TARM1: variants seen among roughly 807,000 people sequenced by gnomAD.
The protein encoded by TARM1 is T-cell-interacting, activating receptor on myeloid cells protein 1.
TARM1 carries 24 observed loss-of-function variants against 30.4 expected under a neutral mutation model. That is an observed-to-expected ratio of 0.79 (90% CI 0.57 to 1.11). The LOEUF is 1.11. Among genes scored for constraint, TARM1 ranks in the 50% least tolerant of loss-of-function variants. TARM1 has a pLI of 0.00. For missense variants in TARM1, 323 were observed against 332.8 expected (o/e 0.97, Z 0.23); for synonymous variants, 129 against 138.9 (o/e 0.93, Z 0.50).
At chr19:54,080,327 G>A (rs1175611501) in intron 1 of TARM1, among the ~76,000 whole-genome samples, 56 of 150,702 alleles carry the variant, frequency 3.7e-4, no homozygotes, top group African/African-American at 1.3e-3. Flanking sequence ...GCATGGTGGC[G>A]GGCGCCTGTA....
In TARM1 at chr19:54,070,014, T is replaced by C; in HGVS notation, c.805A>G (p.Lys269Glu). 1.3e-6 allele frequency: 2 copies of C among 1,551,496 alleles called. No individual in the cohort carries two copies. Among genetic ancestry groups the C allele is most frequent in the Non-Finnish European group, 1.7e-6 (2 of 1,146,884 alleles). ...NVSPGESEAF[K>E]PE ...GGTTCAAGATGGAGTCACTCTGGTT[T>C]GAAGGCCTCTGATTCACCTGGAGAC... Residue 269 changes from lysine (K) to glutamate (E), a missense_variant, in exon 5 of 5, where the codon AAA becomes GAA. By Grantham distance (56) the Lys-to-Glu change is moderately conservative. Coordinates refer to ENST00000432826, the MANE Select transcript of TARM1 (RefSeq NM_001135686.3).
intron 2 of TARM1, 30 bp from the exon 3 acceptor site, chr19:54,075,144 C>T (rs1336120844): frequency 6.5e-7 from 1 of 1,538,362 alleles, no homozygotes; most frequent in South Asian, 1.2e-5. Context: ...GATGCTGGAC[C>T]CGATGCCCTC....
rs1361318315 is a variant in TARM1, at chr19:54,069,987, C to T, written c.*16G>A. 56 of 1,546,258 alleles carry T rather than the reference C, an allele frequency of 3.6e-5. No individual in the cohort carries two copies. Among genetic ancestry groups the T allele is most frequent in the Non-Finnish European group, 4.6e-5 (53 of 1,142,914 alleles). ...GGTTGCAGCCTCAGTTTACCCAGCCCCGGTTCAAGATGGAGTCACTCTGGT... is the reference window on the plus strand; with the variant it reads ...GGTTGCAGCCTCAGTTTACCCAGCCTCGGTTCAAGATGGAGTCACTCTGGT... On this transcript the variant is annotated 3_prime_UTR_variant, in exon 5 of 5. Transcript: ENST00000432826.
At chr19:54,072,989 G>A (rs1292646139) in intron 4 of TARM1, among the ~76,000 whole-genome samples, 1 of 151,710 alleles carries the variant, frequency 6.6e-6, no homozygotes, top group South Asian at 2.1e-4. Context: ...AAAACAAAAT[G>A]AAACAAAACA....
In TARM1 at chr19:54,070,031, C is replaced by A. The variant is rs962627240; in HGVS notation, c.788G>T (p.Gly263Val). 7.7e-6 allele frequency: 12 copies of A among 1,551,464 alleles called. No homozygotes were observed. Among genetic ancestry groups the A allele is most frequent in the Non-Finnish European group, 3.5e-6 (4 of 1,146,966 alleles). Residue 263 changes from glycine (G) to valine (V), a missense_variant, in exon 5 of 5, where the codon GGT (glycine) becomes GTT (valine). Coordinates refer to ENST00000432826, the MANE Select transcript of TARM1 (RefSeq NM_001135686.3). Reference protein sequence around the residue: ...EAWYSRNVSPGESEAFKPE With the variant: ...EAWYSRNVSPVESEAFKPE ...CTCTGGTTTGAAGGCCTCTGATTCA[C>A]CTGGAGACACATTCCGGCTGTACCA...
chr19:54,080,867 G>A (rs1367507516), intron 1 of TARM1, among the ~76,000 whole-genome samples: 1 of 151,944 alleles, frequency 6.6e-6, no homozygotes, highest in Non-Finnish European at 1.5e-5. Context: ...AGTTACTCAG[G>A]AGGCTGAAGC....
At chr19:54,074,340 T>C in intron 3 of TARM1, 124 bp from the exon 4 acceptor site, 5 of 894,618 alleles carry the variant, frequency 5.6e-6, no homozygotes. Context: ...CTCTTCTACC[T>C]TCCTCCACTT....
intron 1 of TARM1, among the ~76,000 whole-genome samples, chr19:54,078,012 A>G (rs1342929213): frequency 1.3e-5 from 2 of 151,646 alleles, no homozygotes; most frequent in East Asian, 3.9e-4. Flanking sequence ...TCAGCCTCCC[A>G]AGTAGCTGGG....
chr19:54,079,179 G>A (rs1267612769), intron 1 of TARM1, among the ~76,000 whole-genome samples: 4 of 148,824 alleles, frequency 2.7e-5, no homozygotes, highest in Admixed American at 6.8e-5. Flanking sequence ...CAGGAGAATC[G>A]CTTGAACCCA....
At chr19:54,080,019 G>GGGAAGGAAGGAA (rs71195717) in intron 1 of TARM1, among the ~76,000 whole-genome samples, 37,095 of 82,664 alleles carry the variant, frequency 0.45, 9,152 homozygotes, top group Non-Finnish European at 0.49. Context: ...AGGAAAAGGA[G>GGGAAGGAAGGAA]GGAAGGAAGG....
chr19:54,073,292 C>T (rs1439464608), intron 4 of TARM1, among the ~76,000 whole-genome samples: 1 of 150,200 alleles, frequency 6.7e-6, no homozygotes, highest in African/African-American at 2.4e-5. Flanking sequence ...GCCTGTAATC[C>T]TAGCTACCTG....
At chr19:54,074,540 G>A (rs587648873) in intron 3 of TARM1, among the ~76,000 whole-genome samples, 8 of 152,148 alleles carry the variant, frequency 5.3e-5, no homozygotes, top group South Asian at 2.1e-4. Flanking sequence ...AAAATTAGCC[G>A]GGCATGGTGG....
At chr19:54,072,248 A>G (rs1416612245) in intron 4 of TARM1, among the ~76,000 whole-genome samples, 1 of 152,142 alleles carries the variant, frequency 6.6e-6, no homozygotes, top group African/African-American at 2.4e-5. Context: ...ATGTGTATTA[A>G]ACTCTTTTTT....
rs2146215200 is a variant in TARM1 at position 54,075,914 on chromosome 19, C to A, written c.39G>T (p.Leu13=). 6.4e-7 allele frequency: 1 copy of A among 1,551,292 alleles called. No individual in the cohort carries two copies. The highest frequency in any genetic ancestry group is 1.2e-5 in the South Asian group (1 of 84,056). Residue 13 remains leucine, a synonymous_variant, in exon 2 of 5, where the codon CTG becomes CTT. Transcript: ENST00000432826. ...CCCTTGTGTCTCCTTGGCCCACGCA[C>A]AGTCCTGCAAGACAATCCTCCGTGA... ...PKLLSLLCFR[L]CVGQGDTRGD... is the part of the protein sequence containing the mutation.
At chr19:54,079,341 G>T (rs1196859407) in intron 1 of TARM1, among the ~76,000 whole-genome samples, 2 of 151,838 alleles carry the variant, frequency 1.3e-5, no homozygotes, top group Non-Finnish European at 2.9e-5. Context: ...CAGAGTTATT[G>T]GTTAGAGGGT....
chr19:54,070,137 T>C lies in TARM1; in HGVS notation c.682A>G (p.Asn228Asp). ...CGTACGAAGTTACCCAGGGAGTAGT[T>C]GCTCGATGTGGTACCTGGGGGAACT... ...VTVPPGTTSS[N>D]YSLGNFVRLG... is the part of the protein sequence containing the mutation. The change falls in exon 5 of 5, where the codon AAC becomes GAC. Residue 228 changes from asparagine (N) to aspartate (D), a missense_variant. By Grantham distance (23) the Asn-to-Asp change is conservative. Coordinates refer to ENST00000432826, the MANE Select transcript of TARM1 (RefSeq NM_001135686.3). 1 of 1,551,664 alleles carries C rather than the reference T, an allele frequency of 6.4e-7. No homozygotes were observed. The highest frequency in any genetic ancestry group is 1.4e-5 in the African/African-American group (1 of 73,180).
At chr19:54,076,112 G>A in intron 1 of TARM1, 194 bp from the exon 2 acceptor site, 2 of 1,468,074 alleles carry the variant, frequency 1.4e-6, no homozygotes, top group Non-Finnish European at 1.8e-6. Context: ...CTTTCCCAGA[G>A]ATTCTCCTTG....
intron 2 of TARM1, among the ~76,000 whole-genome samples, chr19:54,075,431 C>T (rs2071925567): frequency 6.6e-6 from 1 of 151,592 alleles, no homozygotes; most frequent in Non-Finnish European, 1.5e-5. Context: ...GGTGATCCAC[C>T]CACCTTGGCC....
intron 1 of TARM1, among the ~76,000 whole-genome samples, chr19:54,080,559 AGAAAG>A (rs1262705597): frequency 2.7e-5 from 4 of 149,990 alleles, no homozygotes; most frequent in Admixed American, 2.7e-4. Flanking sequence ...AGAAAAAGAA[AGAAAG>A]GAAGGAAGGA....
Sources: allele counts gnomAD v4.1 joint callset (sites outside exome capture counted in the v4.1 genomes callset), GRCh38; gene constraint gnomAD v4.1.1; transcripts MANE v1.5; gene names NCBI Gene and HGNC (gene_info 2026-07-23, HGNC 2026-07-21).